CABLES1: variants seen among roughly 807,000 people sequenced by gnomAD.
The protein encoded by CABLES1 is Cdk5 and Abl enzyme substrate 1.
A neutral mutation model predicts 57.8 loss-of-function variants in CABLES1; 36 were observed. The observed-to-expected ratio is 0.62, with a 90% CI of 0.48 to 0.82. CABLES1 has a LOEUF of 0.82. Ranked by LOEUF, CABLES1 falls within the 40% of genes least tolerant of loss-of-function variation. CABLES1 has a pLI of 0.00. For synonymous variants in CABLES1, 374 were observed against 363.0 expected (o/e 1.03, Z -0.35); for missense variants, 767 against 836.6 (o/e 0.92, Z 1.03).
At chr18:23,229,212 A>G (rs1481475853) in intron 4 of CABLES1, among the ~76,000 whole-genome samples, 1 of 152,178 alleles carries the variant, frequency 6.6e-6, no homozygotes, top group African/African-American at 2.4e-5. Context: ...CAGGGGTTCA[A>G]GACCACCTGG....
intron 2 of CABLES1, among the ~76,000 whole-genome samples, chr18:23,193,812 T>TA (rs938380965): frequency 6.6e-6 from 1 of 152,138 alleles, no homozygotes; most frequent in Admixed American, 6.5e-5. Context: ...ATAAAAATTT[T>TA]AAAAAAACTT....
intron 3 of CABLES1, among the ~76,000 whole-genome samples, chr18:23,205,799 C>T (rs2047359010): frequency 6.6e-6 from 1 of 152,116 alleles, no homozygotes. Context: ...TTCAAGGCAG[C>T]AGTGAGCTAA....
chr18:23,205,816 G>T (rs180957611), intron 3 of CABLES1, among the ~76,000 whole-genome samples: 2 of 152,238 alleles, frequency 1.3e-5, no homozygotes, highest in East Asian at 3.9e-4. Context: ...CTAAGATCAT[G>T]CCACTGCCCT....
intron 3 of CABLES1, among the ~76,000 whole-genome samples, chr18:23,213,712 C>G (rs2047421072): frequency 6.6e-6 from 1 of 152,212 alleles, no homozygotes; most frequent in South Asian, 2.1e-4. Context: ...GCAGGTCTTG[C>G]AGGAGAAGGG....
At chr18:23,146,743 T>C (rs1219461744) in intron 1 of CABLES1, among the ~76,000 whole-genome samples, 1 of 116,104 alleles carries the variant, frequency 8.6e-6, no homozygotes. Flanking sequence ...GGTAGCTGTT[T>C]TATGGATTTG....
At chr18:23,197,909 G>C (rs534862714) in intron 3 of CABLES1, 1 of 152,322 alleles carries the variant, frequency 6.6e-6, no homozygotes, top group South Asian at 2.1e-4. Context: ...AGGATGATAA[G>C]ATGGTAATAG....
intron 9 of CABLES1, among the ~76,000 whole-genome samples, chr18:23,254,691 G>A (rs1436436998): frequency 6.6e-6 from 1 of 152,148 alleles, no homozygotes; most frequent in Non-Finnish European, 1.5e-5. Context: ...CCTTGCTCAT[G>A]GGCATCTTCT....
In CABLES1 at chr18:23,142,901, G is replaced by T. The variant is rs115700593; in HGVS notation, c.845+6294G>T. On this transcript the variant is annotated intron_variant, in intron 1 of 9. Coordinates refer to ENST00000256925, the MANE Select transcript of CABLES1 (RefSeq NM_001100619.3). ...TTTTTATTTAACAAATATGTGGCAG[G>T]CATTATTCTAAGCACTTTGATGGGA... Among the ~76,000 whole-genome samples, 1,000 of 152,224 alleles carry T rather than the reference G, an allele frequency of 6.6e-3. 8 individuals carry two copies. The highest frequency in any genetic ancestry group is 0.023 in the African/African-American group (962 of 41,534).
At chr18:23,251,308 G>T (rs576391691) in intron 7 of CABLES1, among the ~76,000 whole-genome samples, 2 of 152,124 alleles carry the variant, frequency 1.3e-5, no homozygotes, top group Non-Finnish European at 2.9e-5. Flanking sequence ...AAAATTAGCT[G>T]GGCAAGGTGG....
intron 3 of CABLES1, among the ~76,000 whole-genome samples, chr18:23,212,060 A>C (rs2047408995): frequency 6.6e-6 from 1 of 152,210 alleles, no homozygotes; most frequent in African/African-American, 2.4e-5. Context: ...CTCTGTGTAC[A>C]TCTCATGCTA....
At chr18:23,174,821 C>T (rs867935110) in intron 1 of CABLES1, among the ~76,000 whole-genome samples, 3 of 94,562 alleles carry the variant, frequency 3.2e-5, no homozygotes, top group Non-Finnish European at 4.1e-5. Flanking sequence ...CATGTTACAC[C>T]ATATATATAT....
At chr18:23,138,621 C>A (rs543279921) in intron 1 of CABLES1, among the ~76,000 whole-genome samples, 1 of 152,182 alleles carries the variant, frequency 6.6e-6, no homozygotes, top group Admixed American at 6.5e-5. Context: ...AACACCACGC[C>A]GCTTGTCTTA....
chr18:23,189,219 TC>T, intron 2 of CABLES1: 1 of 305,376 alleles, frequency 3.3e-6, no homozygotes, highest in African/African-American at 2.2e-5. Flanking sequence ...TCCCGGCCTA[TC>T]CCCCAGGTGC....
At chr18:23,170,882 C>T (rs1429502871) in intron 1 of CABLES1, among the ~76,000 whole-genome samples, 11 of 152,190 alleles carry the variant, frequency 7.2e-5, no homozygotes, top group East Asian at 5.8e-4. Flanking sequence ...CTGCAACCTC[C>T]GCCTCCCAGG....
In CABLES1 at chr18:23,234,614, G is replaced by C. The variant is rs1351463286; in HGVS notation, c.1095G>C (p.Leu365Phe). Residue 365 changes from leucine (L) to phenylalanine (F), a missense_variant, in exon 5 of 10, where the codon TTG becomes TTC. Transcript: ENST00000256925. Reference sequence around the variant, plus strand: ...CTCTGACTTGTCCTCCCAGGGACTTGAAGTTGGACGGAGGAAGACAATCAA... The same window carrying C: ...CTCTGACTTGTCCTCCCAGGGACTTCAAGTTGGACGGAGGAAGACAATCAA... The part of the protein sequence containing the change: ...PYRDSTQVGD[L>F]KLDGGRQSTG... 8 of 1,613,446 alleles carry C rather than the reference G, an allele frequency of 5.0e-6. No individual in the cohort carries two copies. Among genetic ancestry groups the C allele is most frequent in the Non-Finnish European group, 5.9e-6 (7 of 1,179,414 alleles).
At chr18:23,234,019 C>A (rs1041654229) in intron 4 of CABLES1, among the ~76,000 whole-genome samples, 1 of 152,038 alleles carries the variant, frequency 6.6e-6, no homozygotes, top group Non-Finnish European at 1.5e-5. Flanking sequence ...GAGTTTGAGA[C>A]CAGCCTGGCC....
At chr18:23,178,705 G>T (rs2145001091) in intron 1 of CABLES1, among the ~76,000 whole-genome samples, 1 of 152,320 alleles carries the variant, frequency 6.6e-6, no homozygotes, top group East Asian at 1.9e-4. Flanking sequence ...CCTAGCAGCA[G>T]TTCCTGTCAG....
chr18:23,246,597 T>A (rs147936330), intron 7 of CABLES1, among the ~76,000 whole-genome samples: 1 of 151,758 alleles, frequency 6.6e-6, no homozygotes, highest in Non-Finnish European at 1.5e-5. Context: ...TTCACCGTGT[T>A]AGCCAGGATG....
At position 23,258,103 on chromosome 18, in the gene CABLES1, G is replaced by A. The variant is rs948531384; in HGVS notation, c.*736G>A. On this transcript the variant is annotated 3_prime_UTR_variant, in exon 10 of 10. Transcript: ENST00000256925. ...TTGTTACTGCTCCTACCCACCAAGG[G>A]GATAAAGAAGGCGAGTTCTGAGTGT... 6.6e-6 allele frequency: 1 copy of A among 152,296 alleles called. No homozygotes were observed. The highest frequency in any genetic ancestry group is 1.5e-5 in the Non-Finnish European group (1 of 68,054). The allele number at this position is 152,296 out of a possible 1,614,324, so 9.4% of individuals were successfully genotyped here. A position where few individuals can be genotyped will look rare whatever the true frequency, so the allele number is the denominator to read the frequency against.
Sources: gnomAD v4.1 joint callset for allele counts (sites outside exome capture counted in the v4.1 genomes callset) on GRCh38, gnomAD v4.1.1 for gene constraint, MANE v1.5 for transcripts, NCBI Gene and HGNC (gene_info 2026-07-23, HGNC 2026-07-21) for gene names.